The following C2CD3 variants were observed in gnomAD, a reference collection of about 807,000 sequenced individuals.
C2CD3 encodes C2 domain-containing protein 3.
C2CD3 carries 148 observed loss-of-function variants against 234.0 expected under a neutral mutation model. The observed-to-expected ratio is 0.63, with a 90% CI of 0.55 to 0.72. The LOEUF is 0.72. Among genes scored for constraint, C2CD3 ranks in the 30% least tolerant of loss-of-function variants. The pLI is 0.00. For synonymous variants in C2CD3, 1,000 were observed against 1,035.4 expected, an observed-to-expected ratio of 0.97 and a Z score of 0.66; for missense variants, 2,577 against 2,811.5, an observed-to-expected ratio of 0.92 and a Z score of 1.89.
At chr11:74,130,663 G>GT (rs1957639210) in intron 7 of C2CD3, among the ~76,000 whole-genome samples, 1 of 152,108 alleles carries the variant, frequency 6.6e-6, no homozygotes, top group South Asian at 2.1e-4. Flanking sequence ...AGACAGATGG[G>GT]TTTTTTTCTA....
intron 28 of C2CD3, among the ~76,000 whole-genome samples, chr11:74,043,532 C>T (rs911906136): frequency 3.3e-5 from 5 of 152,154 alleles, no homozygotes; most frequent in Non-Finnish European, 5.9e-5. Context: ...ATGGTTACTC[C>T]ATGTTTAAGG....
At chr11:74,076,364 G>A (rs914406373) in intron 23 of C2CD3, among the ~76,000 whole-genome samples, 10 of 152,196 alleles carry the variant, frequency 6.6e-5, no homozygotes, top group Non-Finnish European at 2.9e-5. Context: ...TCATGACTCA[G>A]TTTCTTCGAC....
chr11:74,152,141 A>G (rs1855707926), intron 3 of C2CD3, among the ~76,000 whole-genome samples: 1 of 152,198 alleles, frequency 6.6e-6, no homozygotes, highest in African/African-American at 2.4e-5. Context: ...GATTAATAAA[A>G]TTGTTAAACT....
rs192331126 is a variant in C2CD3 at position 74,129,200 on chromosome 11, G to A, written c.1217+3644C>T. On this transcript the variant is annotated intron_variant, in intron 7 of 32. Transcript: ENST00000334126. The stretch of plus-strand genomic sequence containing the variant: ...CTGACCCCTCACCTCCCTCCGGGAC[G>A]GGGTGGCTGCCGGGCGGAGACGCTC... The A allele has an allele frequency of 9.5e-3, 1,642 of 172,308 alleles. 10 individuals carry two copies. Among genetic ancestry groups the A allele is most frequent in the Middle Eastern group, 0.023 (9 of 386 alleles). The allele number at this position is 172,308 out of a possible 1,614,324, so 10.7% of individuals were successfully genotyped here. A position where few individuals can be genotyped will look rare whatever the true frequency, so the allele number is the denominator to read the frequency against.
At chr11:74,102,210 T>C (rs189393911) in intron 14 of C2CD3, among the ~76,000 whole-genome samples, 2 of 152,272 alleles carry the variant, frequency 1.3e-5, no homozygotes, top group African/African-American at 4.8e-5. Context: ...AAATTATAAT[T>C]TGAATTAGGG....
chr11:74,135,602 G>A (rs1957836787), intron 5 of C2CD3, among the ~76,000 whole-genome samples: 1 of 152,182 alleles, frequency 6.6e-6, no homozygotes, highest in African/African-American at 2.4e-5. Flanking sequence ...TTTGAAAATG[G>A]GGAAGAACAG....
intron 2 of C2CD3, among the ~76,000 whole-genome samples, chr11:74,163,304 T>C (rs1211690032): frequency 2.0e-5 from 3 of 152,232 alleles, no homozygotes; most frequent in Non-Finnish European, 1.5e-5. Context: ...AGCAGAACAC[T>C]AGTACAGTCC....
rs149195598 is a variant in C2CD3, at chr11:74,087,814, A to C, written c.3642-1928T>G. ...TCAGCTGGATATATAGTAGTGAAGT[A>C]GCCTCAATTCCTTAGCTTCACGGCA... is the stretch of plus-strand genomic sequence containing the variant. On this transcript the variant is annotated intron_variant, in intron 20 of 32. Transcript: ENST00000334126. Among the ~76,000 whole-genome samples the C allele has an allele frequency of 3.7e-3, 565 of 152,298 alleles. 3 individuals are homozygous for C. The highest frequency in any genetic ancestry group is 0.027 in the Middle Eastern group (8 of 294).
At chr11:74,153,318 C>G (rs1394484607) in intron 3 of C2CD3, among the ~76,000 whole-genome samples, 1 of 152,126 alleles carries the variant, frequency 6.6e-6, no homozygotes, top group African/African-American at 2.4e-5. Context: ...AATATCTGTT[C>G]TCTATTCAAC....
chr11:74,062,370 G>T (rs1256210694), intron 24 of C2CD3, among the ~76,000 whole-genome samples: 6 of 152,154 alleles, frequency 3.9e-5, no homozygotes, highest in African/African-American at 1.4e-4. Flanking sequence ...CCACATAGTT[G>T]GAAGTAAAGC....
At chr11:74,081,347 A>G (rs1402790477) in intron 22 of C2CD3, among the ~76,000 whole-genome samples, 1 of 152,140 alleles carries the variant, frequency 6.6e-6, no homozygotes, top group Non-Finnish European at 1.5e-5. Context: ...GGGGGCATTT[A>G]TCCCATGTCC....
At chr11:74,150,517 A>AAAAAAAAAAAC (rs1855553162) in intron 3 of C2CD3, among the ~76,000 whole-genome samples, 2 of 69,832 alleles carry the variant, frequency 2.9e-5, no homozygotes, top group African/African-American at 5.8e-5. Flanking sequence ...AAAAAAAAAC[A>AAAAAAAAAAAC]AAAAAAAAAC....
intron 11 of C2CD3, among the ~76,000 whole-genome samples, chr11:74,111,575 T>A (rs1956746041): frequency 1.3e-5 from 2 of 152,036 alleles, no homozygotes; most frequent in Non-Finnish European, 2.9e-5. Flanking sequence ...TCTGAAAAAA[T>A]TCGAAATCCT....
Position 74,160,044 on chromosome 11 carries a change from C to T in C2CD3, c.483+1355G>A, listed in dbSNP as rs201896813. 4.6e-5 allele frequency among the ~76,000 whole-genome samples: 7 copies of T among 152,112 alleles called. No individual in the cohort carries two copies. The East Asian group carries it at 1.3e-3, about 29-fold the overall frequency. On this transcript the variant is annotated intron_variant, in intron 3 of 32. Coordinates refer to ENST00000334126, the MANE Select transcript of C2CD3 (RefSeq NM_001286577.2). ...CTTACCATTGTGTTATAACTGCCTT[C>T]ATTGTGTTACAACAGTATTCAGTAT... is the stretch of plus-strand genomic sequence containing the variant.
At chr11:74,151,305 CTTTA>C (rs202206182) in intron 3 of C2CD3, among the ~76,000 whole-genome samples, 33 of 133,402 alleles carry the variant, frequency 2.5e-4, no homozygotes, top group South Asian at 1.0e-3. Flanking sequence ...ATCCAACACT[CTTTA>C]TTTATTTATT....
intron 31 of C2CD3, among the ~76,000 whole-genome samples, chr11:74,029,647 T>C (rs1952443065): frequency 6.6e-6 from 1 of 152,226 alleles, no homozygotes; most frequent in Non-Finnish European, 1.5e-5. Context: ...AGAACTTTGC[T>C]GTGAGGTGTC....
In C2CD3 at chr11:74,113,841, C is replaced by T. The variant is rs1324980696; in HGVS notation, c.1782G>A (p.Leu594=). ...CCTCAGTGATCAAAGCTGTCTTTCCCAATCCGCTTTCCGAAAAGCCCACAG... is the reference window on the plus strand; with the variant it reads ...CCTCAGTGATCAAAGCTGTCTTTCCTAATCCGCTTTCCGAAAAGCCCACAG... ...HFPVGFSESG[L]GKTALITEVV... The change falls in exon 11 of 33, where the codon TTG becomes TTA. Residue 594 remains leucine (L), a synonymous_variant. Transcript: ENST00000334126. The T allele has an allele frequency of 3.1e-6, 5 of 1,608,420 alleles. No individual in the cohort carries two copies. The highest frequency in any genetic ancestry group is 4.2e-6 in the Non-Finnish European group (5 of 1,178,474).
At chr11:74,135,204 C>G (rs1957820246) in intron 5 of C2CD3, among the ~76,000 whole-genome samples, 1 of 152,028 alleles carries the variant, frequency 6.6e-6, no homozygotes, top group Non-Finnish European at 1.5e-5. Flanking sequence ...ATACTTCGTC[C>G]TAGTGATTCA....
chr11:74,146,788 CA>C (rs1416785204), intron 3 of C2CD3, among the ~76,000 whole-genome samples: 2 of 150,498 alleles, frequency 1.3e-5, no homozygotes, highest in Non-Finnish European at 1.5e-5. Flanking sequence ...CGCGGTGGCT[CA>C]CGTCTGTAAT....
Sources: gnomAD v4.1 joint callset for allele counts (sites outside exome capture counted in the v4.1 genomes callset) on GRCh38, gnomAD v4.1.1 for gene constraint, MANE v1.5 for transcripts, NCBI Gene and HGNC (gene_info 2026-07-23, HGNC 2026-07-21) for gene names.